SLAIN2: variants seen among roughly 807,000 people sequenced by gnomAD.
SLAIN2 encodes SLAIN motif-containing protein 2.
Under a neutral mutation model 56.6 loss-of-function variants are expected in SLAIN2, and 31 were observed. That is an observed-to-expected ratio of 0.55 (90% CI 0.41 to 0.74). The LOEUF is 0.74. Ranked by LOEUF, SLAIN2 falls within the 30% of genes least tolerant of loss-of-function variation. SLAIN2 has a pLI of 0.00. For synonymous variants in SLAIN2, 317 were observed against 284.9 expected (o/e 1.11, Z -1.13); for missense variants, 777 against 754.2 (o/e 1.03, Z -0.35).
At chr4:48,418,064 T>TTTA (rs1209710804) in intron 6 of SLAIN2, among the ~76,000 whole-genome samples, 3 of 142,148 alleles carry the variant, frequency 2.1e-5, no homozygotes, top group African/African-American at 7.7e-5. Flanking sequence ...CTCTGTGCCT[T>TTTA]TTATTATTAT....
chr4:48,381,341 T>C (rs1715966122), intron 4 of SLAIN2, among the ~76,000 whole-genome samples: 1 of 151,892 alleles, frequency 6.6e-6, no homozygotes. Context: ...GTGATACTTC[T>C]TGAAAACTAC....
At chr4:48,421,079 A>T (rs776850366) in intron 7 of SLAIN2, among the ~76,000 whole-genome samples, 14 of 151,930 alleles carry the variant, frequency 9.2e-5, no homozygotes, top group Non-Finnish European at 1.8e-4. Flanking sequence ...GCGGTGGTGC[A>T]ATCTTGGCTC....
intron 1 of SLAIN2, among the ~76,000 whole-genome samples, chr4:48,361,806 T>C (rs551983711): frequency 1.5e-5 from 2 of 133,444 alleles, no homozygotes; most frequent in African/African-American, 5.1e-5. Context: ...TCTATAAACA[T>C]GGTGTATTTT....
At chr4:48,357,222 G>A (rs1045064315) in intron 1 of SLAIN2, among the ~76,000 whole-genome samples, 2 of 151,800 alleles carry the variant, frequency 1.3e-5, no homozygotes, top group East Asian at 1.9e-4. Context: ...TCAAAAAGAC[G>A]CCGTATATTT....
intron 6 of SLAIN2, among the ~76,000 whole-genome samples, chr4:48,388,101 A>G (rs1215557564): frequency 5.3e-5 from 8 of 152,264 alleles, no homozygotes; most frequent in South Asian, 4.1e-4. Context: ...TACTATGCCA[A>G]TCACTATTTT....
Position 48,341,609 on chromosome 4 carries a change from T to G in SLAIN2, c.-131T>G. On this transcript the variant is annotated 5_prime_UTR_variant, in exon 1 of 8. Transcript: ENST00000264313. ...ACCCGAGGTGGGGGGACCCTGGCGG[T>G]GGGGCCTGGTCCTGCTATATGCCGG... 1 of 1,305,624 alleles carries G rather than the reference T, an allele frequency of 7.7e-7. No homozygotes were observed. Among genetic ancestry groups the G allele is most frequent in the Non-Finnish European group, 9.9e-7 (1 of 1,007,954 alleles). The allele number at this position is 1,305,624 out of a possible 1,614,324, so 80.9% of individuals were successfully genotyped here. A position where few individuals can be genotyped will look rare whatever the true frequency, so the allele number is the denominator to read the frequency against.
chr4:48,388,470 A>G (rs1303828005), intron 6 of SLAIN2, among the ~76,000 whole-genome samples: 6 of 152,314 alleles, frequency 3.9e-5, no homozygotes, highest in East Asian at 1.9e-4. Context: ...AACACAATCT[A>G]CTGATTTAAA....
intron 6 of SLAIN2, among the ~76,000 whole-genome samples, chr4:48,398,848 G>A (rs972055277): frequency 3.6e-4 from 55 of 152,044 alleles, no homozygotes; most frequent in African/African-American, 1.3e-3. Context: ...TGTTCCATTG[G>A]TCCATTTGTC....
intron 1 of SLAIN2, among the ~76,000 whole-genome samples, chr4:48,366,037 AGTT>A (rs1463034619): frequency 2.0e-5 from 3 of 152,172 alleles, no homozygotes; most frequent in Non-Finnish European, 4.4e-5. Flanking sequence ...AGTTCACAGT[AGTT>A]TCTGATTTCC....
In SLAIN2 at chr4:48,341,760, C is replaced by T; in HGVS notation, c.21C>T (p.Asn7=). ...CCGGGATGGAGGACGTTAACTCCAA[C>T]GTGAACGCGGACCAGGAGGTGCGGA... MEDVNS[N]VNADQEVRKL... is the part of the protein sequence containing the mutation. Residue 7 remains asparagine (N), a synonymous_variant, in exon 1 of 8, where the codon AAC becomes AAT. Transcript: ENST00000264313. 6.5e-7 allele frequency: 1 copy of T among 1,532,302 alleles called. No individual in the cohort carries two copies. The highest frequency in any genetic ancestry group is 8.8e-7 in the Non-Finnish European group (1 of 1,139,614). The allele number at this position is 1,532,302 out of a possible 1,614,324, so 94.9% of individuals were successfully genotyped here. A position where few individuals can be genotyped will look rare whatever the true frequency, so the allele number is the denominator to read the frequency against.
intron 6 of SLAIN2, among the ~76,000 whole-genome samples, chr4:48,402,080 A>T (rs1716569766): frequency 6.6e-6 from 1 of 152,136 alleles, no homozygotes; most frequent in African/African-American, 2.4e-5. Context: ...TTCTTAAGGA[A>T]TGTTGAATGT....
intron 6 of SLAIN2, among the ~76,000 whole-genome samples, chr4:48,406,675 C>T (rs1716706749): frequency 6.6e-6 from 1 of 152,010 alleles, no homozygotes; most frequent in East Asian, 1.9e-4. Flanking sequence ...GTCATTGTCT[C>T]ATCAGTCATT....
intron 6 of SLAIN2, 69 bp downstream of exon 6, chr4:48,383,853 T>C (rs1171900008): frequency 2.0e-6 from 3 of 1,507,966 alleles, no homozygotes; most frequent in African/African-American, 1.4e-5. Flanking sequence ...GATATTTGTT[T>C]TATGCTGAAA....
chr4:48,416,523 T>C (rs1716999884), intron 6 of SLAIN2, among the ~76,000 whole-genome samples: 2 of 145,460 alleles, frequency 1.4e-5, no homozygotes, highest in Non-Finnish European at 3.0e-5. Flanking sequence ...CAATTTGACT[T>C]CCTCTTTTCC....
rs774661278 is a variant in SLAIN2 at position 48,379,736 on chromosome 4, C to T, written c.750C>T (p.Ser250=). ...SDRNPPLSPQ[S]SIDSELSASE... Reference sequence around the variant, plus strand: ...GAAATCCTCCACTCAGTCCTCAGTCCTCTATAGATAGTGAGTTAAGTGCTT... The same window carrying T: ...GAAATCCTCCACTCAGTCCTCAGTCTTCTATAGATAGTGAGTTAAGTGCTT... The change falls in exon 4 of 8, where the codon TCC becomes TCT. Residue 250 remains serine (S), a synonymous_variant. Coordinates refer to ENST00000264313, the MANE Select transcript of SLAIN2 (RefSeq NM_020846.2). The T allele has an allele frequency of 3.2e-6, 5 of 1,578,004 alleles. No individual in the cohort carries two copies. The highest frequency in any genetic ancestry group is 4.3e-6 in the Non-Finnish European group (5 of 1,165,408).
At chr4:48,410,020 T>C (rs1045553495) in intron 6 of SLAIN2, among the ~76,000 whole-genome samples, 8 of 152,232 alleles carry the variant, frequency 5.3e-5, no homozygotes, top group African/African-American at 1.9e-4. Context: ...ATATTAAGGA[T>C]CTGCTAAACT....
At position 48,422,864 on chromosome 4, in the gene SLAIN2, C is replaced by G. The variant is rs2109793334; in HGVS notation, c.*787C>G. 1 of 152,280 alleles carries G rather than the reference C, an allele frequency of 6.6e-6. No individual in the cohort carries two copies. The highest frequency in any genetic ancestry group is 1.5e-5 in the Non-Finnish European group (1 of 68,012). 9.4% of individuals were successfully genotyped at this position (152,280 alleles called of 1,614,324 possible). On this transcript the variant is annotated 3_prime_UTR_variant, in exon 8 of 8. Coordinates refer to ENST00000264313, the MANE Select transcript of SLAIN2 (RefSeq NM_020846.2). ...TCTTTCTGAACTTTATAGTTCCTGG[C>G]TCAGGAAAGATGGCCTTTGCTATTG...
At chr4:48,344,865 C>G (rs1714821087) in intron 1 of SLAIN2, among the ~76,000 whole-genome samples, 1 of 152,042 alleles carries the variant, frequency 6.6e-6, no homozygotes. Flanking sequence ...AAAAAAAATG[C>G]TGGTTACTCC....
chr4:48,355,078 C>T (rs1228416694), intron 1 of SLAIN2, among the ~76,000 whole-genome samples: 1 of 151,826 alleles, frequency 6.6e-6, no homozygotes, highest in Non-Finnish European at 1.5e-5. Flanking sequence ...GGTGGGGTTT[C>T]GCCATGTTGG....
Sources: gnomAD v4.1 joint callset for allele counts (sites outside exome capture counted in the v4.1 genomes callset) on GRCh38, gnomAD v4.1.1 for gene constraint, MANE v1.5 for transcripts, NCBI Gene and HGNC (gene_info 2026-07-23, HGNC 2026-07-21) for gene names.